The following OLFM1 variants were observed in gnomAD, a reference collection of about 807,000 sequenced individuals.
OLFM1 encodes olfactomedin 1, also known as noelin.
In OLFM1, 9 loss-of-function variants were observed where a neutral mutation model predicts 49.7. The ratio of observed to expected loss-of-function variants is 0.18; its 90% confidence interval spans 0.11 to 0.32. OLFM1 has a LOEUF of 0.32. Among genes scored for constraint, OLFM1 ranks in the 10% least tolerant of loss-of-function variants. The pLI is 1.00. For synonymous variants in OLFM1, 240 were observed against 271.8 expected, an observed-to-expected ratio of 0.88 and a Z score of 1.15; for missense variants, 369 against 661.8, an observed-to-expected ratio of 0.56 and a Z score of 4.85.
At chr9:135,107,128 CCGG>C (rs1174450458) in intron 5 of OLFM1, among the ~76,000 whole-genome samples, 8 of 148,852 alleles carry the variant, frequency 5.4e-5, no homozygotes, top group Admixed American at 6.7e-5. Flanking sequence ...CCTCCCCGGC[CCGG>C]TGGGCTGGGC....
chr9:135,088,288 T>C lies in OLFM1; in HGVS notation c.150+149T>C. ...GGAGCAGGGCGGGCAAGGGCAGGCG[T>C]CGCGGGCCGGCGCAGCGGTGGCGAC... On this transcript the variant is annotated intron_variant, in intron 1 of 5. Transcript: ENST00000371793. This position sits in a 1 kb window ranked among gnomAD's most constrained non-coding sequence, Gnocchi z 4.8. 1.4e-6 allele frequency: 1 copy of C among 709,352 alleles called. No homozygotes were observed. The highest frequency in any genetic ancestry group is 1.9e-6 in the Non-Finnish European group (1 of 526,358). 43.9% of individuals were successfully genotyped at this position (709,352 alleles called of 1,614,324 possible).
chr9:135,083,696 G>A (rs1830560296), upstream of OLFM1, among the ~76,000 whole-genome samples: 1 of 152,350 alleles, frequency 6.6e-6, no homozygotes, highest in South Asian at 2.1e-4. Flanking sequence ...TGGCAACGGT[G>A]TGCATAGGGC....
intron 2 of OLFM1, 89 bp from the exon 3 acceptor site, chr9:135,095,775 G>A: frequency 7.1e-7 from 1 of 1,412,666 alleles, no homozygotes; most frequent in Non-Finnish European, 9.8e-7. Context: ...CTGGCTGTGT[G>A]GGAAAGGGCA....
upstream of OLFM1, chr9:135,087,416 C>A (rs1228186425): frequency 6.5e-7 from 1 of 1,545,600 alleles, no homozygotes; most frequent in Non-Finnish European, 8.7e-7. Context: ...GCCGTGCCCC[C>A]AGCTGGAGTC....
At chr9:135,114,852 GA>G (rs1386043417) in intron 5 of OLFM1, among the ~76,000 whole-genome samples, 1 of 152,170 alleles carries the variant, frequency 6.6e-6, no homozygotes, top group Non-Finnish European at 1.5e-5. Context: ...CACCACTGAG[GA>G]ATGAGGCAGC....
chr9:135,077,672 T>G (rs985894803), intron 1 of OLFM1, among the ~76,000 whole-genome samples: 1 of 152,210 alleles, frequency 6.6e-6, no homozygotes. Flanking sequence ...TGGCCTGGCA[T>G]GTTCCTCTCT....
rs150226630 is a variant in OLFM1, at chr9:135,075,996, C to A, written c.96+194C>A. On this transcript the variant is annotated intron_variant, in intron 1 of 5. Coordinates refer to the OLFM1 transcript ENST00000252854. ...GTGGGAGGGAGGGGTGCAGGCTGACCGGAGACGGCGCTCCTCCAGCCCCGG... is the reference window on the plus strand; with the variant it reads ...GTGGGAGGGAGGGGTGCAGGCTGACAGGAGACGGCGCTCCTCCAGCCCCGG... 2.9e-4 allele frequency: 414 copies of A among 1,436,878 alleles called. 1 individual carries two copies. In the Middle Eastern group the frequency reaches 6.3e-3, roughly 22 times the overall value. The allele number at this position is 1,436,878 out of a possible 1,614,324, so 89.0% of individuals were successfully genotyped here. A position where few individuals can be genotyped will look rare whatever the true frequency, so the allele number is the denominator to read the frequency against.
chr9:135,088,754 G>C lies in OLFM1; in HGVS notation c.150+615G>C, dbSNP rs989403518. Among the ~76,000 whole-genome samples, 9 of 152,170 alleles carry C rather than the reference G, an allele frequency of 5.9e-5. No individual in the cohort carries two copies. Among genetic ancestry groups the C allele is most frequent in the Non-Finnish European group, 1.0e-4 (7 of 68,028 alleles). On this transcript the variant is annotated intron_variant, in intron 1 of 5. Transcript: ENST00000371793. This position sits in a 1 kb window ranked among gnomAD's most constrained non-coding sequence, Gnocchi z 4.8. ...TTCCTTCTCCTCCGAGGACGGTGCC[G>C]AGGGGCTTGGGTGGGGCCCCTGGGA...
At position 135,120,521 on chromosome 9, in the gene OLFM1, G is replaced by A. The variant is rs1188712612; in HGVS notation, c.*343G>A. ...CGGGGAAAAACCCACTGTTAGGATG[G>A]CATGAACATTTCCTTAGATCGTGGT... On this transcript the variant is annotated 3_prime_UTR_variant, in exon 6 of 6. Transcript: ENST00000371793. 6.8e-6 allele frequency: 2 copies of A among 293,246 alleles called. No homozygotes were observed. The highest frequency in any genetic ancestry group is 1.3e-5 in the Non-Finnish European group (2 of 157,218). 18.2% of individuals were successfully genotyped at this position (293,246 alleles called of 1,614,324 possible).
intron 4 of OLFM1, among the ~76,000 whole-genome samples, chr9:135,103,048 A>G (rs1830892098): frequency 1.3e-5 from 2 of 152,150 alleles, no homozygotes. Context: ...CTGCCCTCTG[A>G]GCCCGTCTGG....
upstream of OLFM1, chr9:135,086,640 G>A: frequency 2.2e-6 from 1 of 456,100 alleles, no homozygotes; most frequent in South Asian, 1.5e-5. Context: ...TTTCATCTCC[G>A]ATTAGAAGCC....
chr9:135,109,271 T>C (rs56996412), intron 5 of OLFM1, among the ~76,000 whole-genome samples: 22,109 of 152,238 alleles, frequency 0.15, 1,758 homozygotes, highest in Non-Finnish European at 0.16. Flanking sequence ...GTACCAAGGA[T>C]CTGGGGCTCC....
rs891243900 is a variant in OLFM1, at chr9:135,088,852, A to G, written c.150+713A>G. Among the ~76,000 whole-genome samples, 8 of 152,240 alleles carry G rather than the reference A, an allele frequency of 5.3e-5. No homozygotes were observed. The highest frequency in any genetic ancestry group is 1.9e-4 in the African/African-American group (8 of 41,550). ...GCGCACCCCTCCCTCCTGGCCTCTG[A>G]AATTGAAATCGCGTCTCCCTCTCGA... On this transcript the variant is annotated intron_variant, in intron 1 of 5. Transcript: ENST00000371793. This position sits in a 1 kb window ranked among gnomAD's most constrained non-coding sequence, Gnocchi z 4.8.
chr9:135,106,986 G>A (rs1319891304), intron 5 of OLFM1, 131 bp downstream of exon 5: 3 of 700,670 alleles, frequency 4.3e-6, no homozygotes, highest in Non-Finnish European at 7.0e-6. Context: ...GGTGCCTGGG[G>A]GCGTTTGTTC....
intron 1 of OLFM1, chr9:135,077,260 T>C: frequency 6.9e-7 from 1 of 1,455,900 alleles, no homozygotes; most frequent in Non-Finnish European, 9.1e-7. Flanking sequence ...GCCTGTGTCT[T>C]ATTGAGACAC....
At position 135,119,071 on chromosome 9, in the gene OLFM1, C is replaced by G. The variant is rs1368823536; in HGVS notation, c.784-433C>G. On this transcript the variant is annotated intron_variant, in intron 5 of 5. Transcript: ENST00000371793. ...AGTGCTCACTGGATCTTTGGAAGTG[C>G]TCACTGGGTCTTTGGAGTGCTCACC... is the stretch of plus-strand genomic sequence containing the variant. Among the ~76,000 whole-genome samples the G allele has an allele frequency of 3.3e-5, 5 of 151,802 alleles. No individual in the cohort carries two copies. In the South Asian group the frequency reaches 6.3e-4, roughly 19 times the overall value.
chr9:135,110,974 A>G (rs1323739976), intron 5 of OLFM1, among the ~76,000 whole-genome samples: 1 of 152,172 alleles, frequency 6.6e-6, no homozygotes, highest in Non-Finnish European at 1.5e-5. Context: ...GGCATTTGGG[A>G]CGGCAGTGCC....
chr9:135,076,081 C>A, intron 1 of OLFM1: 1 of 1,503,442 alleles, frequency 6.7e-7, no homozygotes, highest in South Asian at 1.3e-5. Context: ...CGACTCCCTG[C>A]TGAGAAGTTC....
chr9:135,087,901 G>A lies in OLFM1; in HGVS notation c.-89G>A. On this transcript the variant is annotated 5_prime_UTR_variant, in exon 1 of 6. Coordinates refer to ENST00000371793, the MANE Select transcript of OLFM1 (RefSeq NM_001282611.2). Reference sequence around the variant, plus strand: ...CGCGGGGACACAGCCAGGCGCCCCTGCCCGCCGCGGTGCCCGCCGCCTGAA... The same window carrying A: ...CGCGGGGACACAGCCAGGCGCCCCTACCCGCCGCGGTGCCCGCCGCCTGAA... 10 of 1,160,472 alleles carry A rather than the reference G, an allele frequency of 8.6e-6. No individual in the cohort carries two copies. The highest frequency in any genetic ancestry group is 1.1e-5 in the Non-Finnish European group (10 of 938,974). The allele number at this position is 1,160,472 out of a possible 1,614,324, so 71.9% of individuals were successfully genotyped here.
Sources: allele counts gnomAD v4.1 joint callset (sites outside exome capture counted in the v4.1 genomes callset), GRCh38; gene constraint gnomAD v4.1.1; non-coding constraint Gnocchi (gnomAD v3.1); transcripts MANE v1.5; gene names NCBI Gene and HGNC (gene_info 2026-07-23, HGNC 2026-07-21).